Variants in PCDH11X observed in about 807,000 individuals in gnomAD.
The protein encoded by PCDH11X is protocadherin 11 X-linked.
PCDH11X carries 18 observed loss-of-function variants against 53.3 expected under a neutral mutation model. The observed-to-expected ratio is 0.34, with a 90% confidence interval of 0.23 to 0.50. The LOEUF is 0.50. Ranked by LOEUF, PCDH11X falls within the 20% of genes least tolerant of loss-of-function variation. PCDH11X has a pLI of 0.98. For missense variants in PCDH11X, 570 were observed against 1,032.4 expected, an observed-to-expected ratio of 0.55 and a Z score of 6.14; for synonymous variants, 279 against 393.3, an observed-to-expected ratio of 0.71 and a Z score of 3.44.
At chrX:92,508,113 T>TC (rs1406190868) in intron 10 of PCDH11X, among the ~76,000 whole-genome samples, 2 of 110,383 alleles carry the variant, frequency 1.8e-5, no homozygotes, top group Non-Finnish European at 3.8e-5. Context: ...CCGCACCCAG[T>TC]CCGATGAATT....
At chrX:92,438,918 A>G (rs1234703123) in intron 9 of PCDH11X, among the ~76,000 whole-genome samples, 1 of 111,468 alleles carries the variant, frequency 9.0e-6, no homozygotes, top group Admixed American at 9.6e-5. Context: ...TGCCTAAGAC[A>G]TGAGATTAAT....
intron 6 of PCDH11X, among the ~76,000 whole-genome samples, chrX:91,884,186 G>A (rs1315855183): frequency 7.2e-5 from 4 of 55,252 alleles, no homozygotes; most frequent in Admixed American, 2.7e-4. Flanking sequence ...GCAAGACTCC[G>A]TCTCAAAAAA....
At position 91,995,851 on chromosome X, in the gene PCDH11X, TG is replaced by T. The variant is rs1253990569; in HGVS notation, c.3033+116579del. ...CCATTTATTTGTATTATCTTCTTTT[TG>T]TTTTTTTTTTTTTTTGAGGCCGAGT... On this transcript the variant is annotated intron_variant, in intron 6 of 10. Coordinates refer to ENST00000682573, the MANE Select transcript of PCDH11X (RefSeq NM_032968.5). Among the ~76,000 whole-genome samples, 100 of 104,036 alleles carry T rather than the reference TG, an allele frequency of 9.6e-4. 2 individuals are homozygous for T. The highest frequency in any genetic ancestry group is 3.0e-3 in the African/African-American group (85 of 28,269). 90.3% of individuals were successfully genotyped at this position (104,036 alleles called of 115,157 possible).
At chrX:92,265,578 CAT>C (rs2067811848) in intron 8 of PCDH11X, among the ~76,000 whole-genome samples, 2 of 111,699 alleles carry the variant, frequency 1.8e-5, no homozygotes, top group Non-Finnish European at 3.8e-5. Context: ...TATACATATA[CAT>C]ATATGTGTGT....
chrX:92,247,630 T>A (rs1017008399), intron 7 of PCDH11X, among the ~76,000 whole-genome samples: 4 of 111,969 alleles, frequency 3.6e-5, no homozygotes, highest in African/African-American at 1.3e-4. Context: ...TTGCACTGGC[T>A]GTCCTTGGCT....
rs757688652 is a variant in PCDH11X, at chrX:92,352,949, T to G, written c.3145-34786T>G. Among the ~76,000 whole-genome samples the G allele has an allele frequency of 3.6e-5, 4 of 109,819 alleles. 1 individual carries two copies. In the South Asian group the frequency reaches 1.7e-3, roughly 46 times the overall value. On this transcript the variant is annotated intron_variant, in intron 8 of 10. Transcript: ENST00000682573. The stretch of plus-strand genomic sequence containing the variant: ...TTTCCTAGTATATTCCTGAAGTAGT[T>G]CTTGGAACAAAAGTCCATGATTCAA...
At chrX:92,192,396 GC>G (rs1311382589) in intron 6 of PCDH11X, among the ~76,000 whole-genome samples, 1 of 111,973 alleles carries the variant, frequency 8.9e-6, no homozygotes, top group Non-Finnish European at 1.9e-5. Context: ...AGGCTGCAGT[GC>G]AGTGGTGTGA....
chrX:92,247,328 T>TG (rs2067370243), intron 7 of PCDH11X, among the ~76,000 whole-genome samples: 1 of 111,572 alleles, frequency 9.0e-6, no homozygotes. Context: ...TACATATTTG[T>TG]GGTCAACAGT....
At chrX:92,203,307 A>T (rs1313558137) in intron 7 of PCDH11X, among the ~76,000 whole-genome samples, 1 of 112,896 alleles carries the variant, frequency 8.9e-6, no homozygotes, top group African/African-American at 3.2e-5. Context: ...GTATATGTGC[A>T]TCTGAAATTC....
intron 8 of PCDH11X, among the ~76,000 whole-genome samples, chrX:92,270,322 C>T (rs1440958322): frequency 9.1e-6 from 1 of 110,070 alleles, no homozygotes; most frequent in Non-Finnish European, 1.9e-5. Flanking sequence ...TGGGGTGTTA[C>T]CATGTTGGCC....
chrX:92,128,281 G>A (rs1245397672), intron 6 of PCDH11X, among the ~76,000 whole-genome samples: 1 of 110,702 alleles, frequency 9.0e-6, no homozygotes, highest in Non-Finnish European at 1.9e-5. Flanking sequence ...ATTTCAGTCA[G>A]TATGGAATAC....
intron 5 of PCDH11X, among the ~76,000 whole-genome samples, chrX:91,852,224 A>G (rs1938072697): frequency 9.2e-6 from 1 of 108,489 alleles, no homozygotes; most frequent in Non-Finnish European, 1.9e-5. Context: ...CATGTTGGCC[A>G]GGCTGGTCTA....
At chrX:92,585,778 AT>A (rs761310723) in intron 10 of PCDH11X, among the ~76,000 whole-genome samples, 2 of 110,701 alleles carry the variant, frequency 1.8e-5, no homozygotes, top group Non-Finnish European at 3.8e-5. Flanking sequence ...AATACCCATA[AT>A]ATCATAAAAT....
chrX:92,003,689 A>G (rs2062550060), intron 6 of PCDH11X, among the ~76,000 whole-genome samples: 2 of 100,068 alleles, frequency 2.0e-5, no homozygotes, highest in South Asian at 1.0e-3. Context: ...AGAGTTGCTC[A>G]TAGTAGTCAC....
chrX:92,503,816 A>G (rs2148698676), intron 10 of PCDH11X, among the ~76,000 whole-genome samples: 2 of 111,009 alleles, frequency 1.8e-5, no homozygotes, highest in African/African-American at 6.6e-5. Context: ...CCACCATGGC[A>G]CACGTTTACT....
At chrX:91,811,670 A>T (rs1368210452) in intron 4 of PCDH11X, among the ~76,000 whole-genome samples, 4 of 108,326 alleles carry the variant, frequency 3.7e-5, no homozygotes, top group African/African-American at 1.3e-4. Flanking sequence ...TCGTGCAAAG[A>T]TGTCTTTAGG....
chrX:92,119,030 T>C (rs4022209), intron 6 of PCDH11X, among the ~76,000 whole-genome samples: 44,378 of 108,740 alleles, frequency 0.41, 8,508 homozygotes, highest in East Asian at 0.86. Flanking sequence ...CGTGAGCCAC[T>C]GCGCCCGGCC....
intron 6 of PCDH11X, among the ~76,000 whole-genome samples, chrX:92,147,841 T>TTCTCTTTCTTTC (rs1385460382): frequency 1.0e-5 from 1 of 99,588 alleles, no homozygotes; most frequent in African/African-American, 3.9e-5. Flanking sequence ...CTTTCTTTCT[T>TTCTCTTTCTTTC]TCTTTCTTTC....
intron 10 of PCDH11X, among the ~76,000 whole-genome samples, chrX:92,473,907 A>C (rs776133008): frequency 1.8e-5 from 2 of 111,630 alleles, no homozygotes. Flanking sequence ...CTGAGGAGAA[A>C]AATGTGTATT....
Sources: allele counts gnomAD v4.1 joint callset (sites outside exome capture counted in the v4.1 genomes callset), GRCh38; gene constraint gnomAD v4.1.1; transcripts MANE v1.5; gene names NCBI Gene and HGNC (gene_info 2026-07-23, HGNC 2026-07-21).